The following SEMA7A variants were observed in gnomAD, a reference collection of about 807,000 sequenced individuals.
SEMA7A encodes semaphorin 7A (JohnMiltonHagen blood group).
Under a neutral mutation model 67.5 loss-of-function variants are expected in SEMA7A, and 21 were observed. The ratio of observed to expected loss-of-function variants is 0.31; its 90% CI spans 0.22 to 0.45. SEMA7A has a LOEUF of 0.45. SEMA7A is among the 20% of genes least tolerant of loss of function. The probability of loss-of-function intolerance (pLI) is 1.00; values close to 1 mark genes in which losing one functional copy is unlikely to be tolerated. For missense variants in SEMA7A, 774 were observed against 908.6 expected (o/e 0.85, Z 1.90); for synonymous variants, 364 against 368.5 (o/e 0.99, Z 0.14).
intron 1 of SEMA7A, among the ~76,000 whole-genome samples, chr15:74,430,531 C>T (rs1263912581): frequency 3.9e-5 from 6 of 152,336 alleles, no homozygotes; most frequent in Middle Eastern, 3.4e-3. Context: ...CTCCCCTATA[C>T]CATGGTCATC....
intron 6 of SEMA7A, among the ~76,000 whole-genome samples, chr15:74,417,102 G>A (rs1362683067): frequency 6.6e-6 from 1 of 152,116 alleles, no homozygotes; most frequent in Non-Finnish European, 1.5e-5. Flanking sequence ...ACTGGGTCTG[G>A]GGCTCCCTCT....
rs368753457 is a variant in SEMA7A, at chr15:74,411,613, C to T, written c.1520G>A (p.Arg507Gln). The T allele has an allele frequency of 3.4e-5, 54 of 1,606,462 alleles. No individual in the cohort carries two copies. In the African/African-American group the frequency reaches 3.5e-4, roughly 10 times the overall value. Reference protein sequence around the residue: ...GGGCHGCLMSRDPYCGWDQGR... With the variant: ...GGGCHGCLMSQDPYCGWDQGR... ...TTGGTCCCAGCCGCAGTAGGGGTCT[C>T]GGGACATGAGGCAACCGTGGCAGCC... Residue 507 changes from arginine to glutamine, a missense_variant, in exon 12 of 14, where the codon CGA (arginine) becomes CAA (glutamine). Physicochemically the swap from Arg to Gln is conservative, Grantham distance 43. This residue lies in a region of SEMA7A where 427 missense variants were observed against 555.4 expected (regional missense o/e 0.77). Coordinates refer to ENST00000261918, the MANE Select transcript of SEMA7A (RefSeq NM_003612.5). This position sits in a 1 kb window ranked among gnomAD's most constrained non-coding sequence, Gnocchi z 4.4.
intron 7 of SEMA7A, 78 bp from the exon 8 acceptor site, chr15:74,416,063 C>T (rs2060945511): frequency 7.1e-7 from 1 of 1,415,976 alleles, no homozygotes; most frequent in East Asian, 2.3e-5. Flanking sequence ...CCACTGCCAG[C>T]AATATCAACA....
intron 1 of SEMA7A, among the ~76,000 whole-genome samples, chr15:74,424,786 G>T (rs941134713): frequency 2.0e-5 from 3 of 152,204 alleles, no homozygotes; most frequent in African/African-American, 7.2e-5. Context: ...CCCAGGGAAG[G>T]CCGGAAGCCC....
chr15:74,411,116 C>G lies in SEMA7A; in HGVS notation c.1640-131G>C. On this transcript the variant is annotated intron_variant, in intron 13 of 13. Transcript: ENST00000261918. The surrounding 1 kb of genome is among the most constrained non-coding windows in gnomAD (Gnocchi z 4.4). ...CGTGGGGAACCCAGCCCTCAGCGTC[C>G]TCCTTTTTTCTCCCGTCTCGCTCAT... 7.2e-7 allele frequency: 1 copy of G among 1,394,354 alleles called. No homozygotes were observed. Among genetic ancestry groups the G allele is most frequent in the Non-Finnish European group, 9.6e-7 (1 of 1,036,682 alleles). 86.4% of individuals were successfully genotyped at this position (1,394,354 alleles called of 1,614,324 possible). A position where few individuals can be genotyped will look rare whatever the true frequency, so the allele number is the denominator to read the frequency against.
At position 74,410,832 on chromosome 15, in the gene SEMA7A, A is replaced by G; in HGVS notation, c.1793T>C (p.Leu598Pro). Residue 598 changes from leucine to proline, a missense_variant, in exon 14 of 14, where the codon CTG becomes CCG. By Grantham distance (98) the Leu-to-Pro change is moderately conservative. Around this residue, in one of 2 missense-constraint regions of SEMA7A, gnomAD observed 427 missense variants for 555.4 expected, o/e 0.77. Coordinates refer to ENST00000261918, the MANE Select transcript of SEMA7A (RefSeq NM_003612.5). This position sits in a 1 kb window ranked among gnomAD's most constrained non-coding sequence, Gnocchi z 7.5. The part of the protein sequence containing the change: ...EPGHQSPNCI[L>P]FIENLTAQQY... Reference sequence around the variant, plus strand: ...CTGCGCCGTGAGGTTCTCGATGAACAGGATGCAGTTGGGGCTCTGGTGACC... The same window carrying G: ...CTGCGCCGTGAGGTTCTCGATGAACGGGATGCAGTTGGGGCTCTGGTGACC... The G allele has an allele frequency of 6.2e-7, 1 of 1,614,234 alleles. No individual in the cohort carries two copies. Among genetic ancestry groups the G allele is most frequent in the Non-Finnish European group, 8.5e-7 (1 of 1,180,036 alleles).
chr15:74,429,900 C>T (rs553102228), intron 1 of SEMA7A, among the ~76,000 whole-genome samples: 5 of 152,198 alleles, frequency 3.3e-5, no homozygotes, highest in Non-Finnish European at 7.4e-5. Flanking sequence ...CTGGCTCCTC[C>T]TCCTGCCATT....
Position 74,410,939 on chromosome 15 carries a change from G to C in SEMA7A, c.1686C>G (p.Tyr562Ter). The C allele has an allele frequency of 6.2e-7, 1 of 1,614,066 alleles. No individual in the cohort carries two copies. Among genetic ancestry groups the C allele is most frequent in the Non-Finnish European group, 8.5e-7 (1 of 1,180,014 alleles). ...QKVSLAPNSR[Y>*]YLSCPMESRH... ...GGGATTCCATGGGGCAGCTCAGGTA[G>C]TAGCGAGAGTTTGGGGCCAGGGAAA... Residue 562 changes from tyrosine to a stop codon, truncating the protein, a stop_gained, in exon 14 of 14, where the codon TAC becomes TAG. Coordinates refer to ENST00000261918, the MANE Select transcript of SEMA7A (RefSeq NM_003612.5). LOFTEE classifies it low-confidence loss of function (END_TRUNC). This position sits in a 1 kb window ranked among gnomAD's most constrained non-coding sequence, Gnocchi z 7.5.
rs767835219 is a variant in SEMA7A, at chr15:74,411,534, C to T, written c.1577+22G>A. ...TCCCATGCCCACCTTCTCCCAGGGA[C>T]GAGGGATCCCGGCCAACGTACCGTT... On this transcript the variant is annotated intron_variant, in intron 12 of 13. Coordinates refer to ENST00000261918, the MANE Select transcript of SEMA7A (RefSeq NM_003612.5). The surrounding 1 kb of genome is among the most constrained non-coding windows in gnomAD (Gnocchi z 4.4). The T allele has an allele frequency of 8.4e-6, 13 of 1,544,748 alleles. No individual in the cohort carries two copies. In the East Asian group the frequency reaches 1.1e-4, roughly 13 times the overall value.
At position 74,411,184 on chromosome 15, in the gene SEMA7A, T is replaced by C; in HGVS notation, c.1639+111A>G. On this transcript the variant is annotated intron_variant, in intron 13 of 13. Transcript: ENST00000261918. This position sits in a 1 kb window ranked among gnomAD's most constrained non-coding sequence, Gnocchi z 4.4. ...CTCTGCAGGACTGTATCCTGCCCCATGTACCTGGGGCCCACAGGACAAGGC... is the reference window on the plus strand; with the variant it reads ...CTCTGCAGGACTGTATCCTGCCCCACGTACCTGGGGCCCACAGGACAAGGC... 2 of 1,342,736 alleles carry C rather than the reference T, an allele frequency of 1.5e-6. No individual in the cohort carries two copies. Among genetic ancestry groups the C allele is most frequent in the Non-Finnish European group, 2.0e-6 (2 of 976,912 alleles). The allele number at this position is 1,342,736 out of a possible 1,614,324, so 83.2% of individuals were successfully genotyped here.
At chr15:74,416,931 C>T (rs1036660123) in intron 6 of SEMA7A, among the ~76,000 whole-genome samples, 30 of 152,216 alleles carry the variant, frequency 2.0e-4, no homozygotes, top group African/African-American at 6.3e-4. Flanking sequence ...AAGATGTCAT[C>T]GGCCCAGGAG....
Position 74,433,751 on chromosome 15 carries a change from G to C in SEMA7A, c.168C>G (p.Ala56=), listed in dbSNP as rs543975316. 4.7e-4 allele frequency: 683 copies of C among 1,444,326 alleles called. No homozygotes were observed. Among genetic ancestry groups the C allele is most frequent in the Non-Finnish European group, 6.0e-4 (659 of 1,104,384 alleles). 89.5% of individuals were successfully genotyped at this position (1,444,326 alleles called of 1,614,324 possible). ...GHLRSGPRIF[A]VWKGHVGQDR... ...CGCGGCGCCGCCTACCTTTCCAGAC[G>C]GCGAAGATGCGGGGTCCGCTCCTTA... The change falls in exon 1 of 14, where the codon GCC becomes GCG. Residue 56 remains alanine, a synonymous_variant. Coordinates refer to ENST00000261918, the MANE Select transcript of SEMA7A (RefSeq NM_003612.5).
intron 1 of SEMA7A, among the ~76,000 whole-genome samples, chr15:74,429,168 C>T (rs187034630): frequency 6.6e-6 from 1 of 152,310 alleles, no homozygotes; most frequent in East Asian, 1.9e-4. Flanking sequence ...ACTTTTCAGT[C>T]CAGAGCTGCC....
At chr15:74,416,118 G>A in intron 7 of SEMA7A, 133 bp from the exon 8 acceptor site, 1 of 883,638 alleles carries the variant, frequency 1.1e-6, no homozygotes, top group Non-Finnish European at 1.7e-6. Context: ...GCCAGGACCT[G>A]CCGGGGGTGC....
intron 1 of SEMA7A, among the ~76,000 whole-genome samples, chr15:74,419,660 G>A (rs1208251039): frequency 6.6e-6 from 1 of 152,188 alleles, no homozygotes; most frequent in African/African-American, 2.4e-5. Context: ...CCCTGAACCA[G>A]AGCCTGCACT....
chr15:74,431,893 T>A (rs1024528095), intron 1 of SEMA7A, among the ~76,000 whole-genome samples: 2 of 152,066 alleles, frequency 1.3e-5, no homozygotes, highest in Non-Finnish European at 2.9e-5. Flanking sequence ...GGCTCAACAG[T>A]GCATTACTAA....
rs756166540 is a variant in SEMA7A, at chr15:74,410,931, C to T, written c.1694G>A (p.Ser565Asn). The change falls in exon 14 of 14, where the codon AGC becomes AAC. Residue 565 changes from serine to asparagine, a missense_variant. By Grantham distance (46) the Ser-to-Asn change is conservative. Around this residue, in one of 2 missense-constraint regions of SEMA7A, gnomAD observed 427 missense variants for 555.4 expected, o/e 0.77. Coordinates refer to ENST00000261918, the MANE Select transcript of SEMA7A (RefSeq NM_003612.5). The surrounding 1 kb of genome is among the most constrained non-coding windows in gnomAD (Gnocchi z 7.5). ...SLAPNSRYYLSCPMESRHATY... is the reference protein window; with the variant it reads ...SLAPNSRYYLNCPMESRHATY... ...GGCGTGGCGGGATTCCATGGGGCAG[C>T]TCAGGTAGTAGCGAGAGTTTGGGGC... 1 of 1,614,076 alleles carries T rather than the reference C, an allele frequency of 6.2e-7. No homozygotes were observed. The highest frequency in any genetic ancestry group is 8.5e-7 in the Non-Finnish European group (1 of 1,180,008).
chr15:74,426,118 C>CA (rs1252945480), intron 1 of SEMA7A, among the ~76,000 whole-genome samples: 1 of 152,138 alleles, frequency 6.6e-6, no homozygotes, highest in African/African-American at 2.4e-5. Context: ...ACCAAAAATA[C>CA]AAAAAAATTA....
intron 1 of SEMA7A, among the ~76,000 whole-genome samples, chr15:74,427,611 G>A (rs1326995453): frequency 6.6e-6 from 1 of 152,168 alleles, no homozygotes; most frequent in Non-Finnish European, 1.5e-5. Flanking sequence ...GATTACAGGC[G>A]TGAGACTCTG....
Sources: allele counts gnomAD v4.1 joint callset (sites outside exome capture counted in the v4.1 genomes callset), GRCh38; gene constraint gnomAD v4.1.1; regional missense constraint gnomAD v4.1.1; non-coding constraint Gnocchi (gnomAD v3.1); transcripts MANE v1.5; gene names NCBI Gene and HGNC (gene_info 2026-07-23, HGNC 2026-07-21).